YIPF1: variants seen among roughly 807,000 people sequenced by gnomAD.
The protein encoded by YIPF1 is Yip1 domain family member 1.
In YIPF1, 22 loss-of-function variants were observed where a neutral mutation model predicts 37.0. The ratio of observed to expected loss-of-function variants is 0.59; its 90% CI spans 0.42 to 0.85. The LOEUF (loss-of-function observed/expected upper bound fraction) is 0.85, where lower values mean the gene tolerates loss of function less well. Among genes scored for constraint, YIPF1 ranks in the 40% least tolerant of loss-of-function variants. The probability of loss-of-function intolerance (pLI) is 0.00; values close to 1 mark genes in which losing one functional copy is unlikely to be tolerated. For missense variants in YIPF1, 355 were observed against 373.1 expected, an observed-to-expected ratio of 0.95 and a Z score of 0.40; for synonymous variants, 128 against 131.9, an observed-to-expected ratio of 0.97 and a Z score of 0.21.
Position 53,866,802 on chromosome 1 carries a change from CAATCTCCAGAAATG to C in YIPF1, c.590_603del (p.Ser197CysfsTer51). On this transcript the variant is annotated frameshift_variant, in exon 8 of 11. Coordinates refer to ENST00000072644, the MANE Select transcript of YIPF1 (RefSeq NM_018982.5). LOFTEE classifies it high-confidence loss of function. ...AAGAGGGAATATCCATAGACACACA[CAATCTCCAGAAATG>C]AATAGGAGACGATGTTCATAACTTT... The C allele has an allele frequency of 1.2e-6, 2 of 1,614,150 alleles. No individual in the cohort carries two copies. Among genetic ancestry groups the C allele is most frequent in the Non-Finnish European group, 1.7e-6 (2 of 1,180,018 alleles).
chr1:53,874,247 G>C (rs530703000), intron 6 of YIPF1, among the ~76,000 whole-genome samples: 3 of 152,046 alleles, frequency 2.0e-5, no homozygotes, highest in South Asian at 2.1e-4. Flanking sequence ...AGAGACTTAC[G>C]ACACCCACTC....
intron 7 of YIPF1, among the ~76,000 whole-genome samples, chr1:53,870,971 C>G (rs1023343516): frequency 5.6e-5 from 8 of 142,172 alleles, no homozygotes; most frequent in Non-Finnish European, 1.2e-4. Context: ...TGTGATCGTA[C>G]CACTGCACTC....
At chr1:53,876,785 G>A (rs144652692) in intron 6 of YIPF1, among the ~76,000 whole-genome samples, 30 of 152,266 alleles carry the variant, frequency 2.0e-4, no homozygotes, top group Non-Finnish European at 1.3e-4. Context: ...GATTAAATGA[G>A]TTAATACAGG....
In YIPF1 at chr1:53,883,140, C is replaced by T. The variant is rs1650546720; in HGVS notation, c.168G>A (p.Leu56=). 1.9e-6 allele frequency: 3 copies of T among 1,588,726 alleles called. No individual in the cohort carries two copies. The highest frequency in any genetic ancestry group is 2.6e-6 in the Non-Finnish European group (3 of 1,170,942). ...GSGREEDDEL[L]GNDDSDKTEL... is the part of the protein sequence containing the mutation. The stretch of plus-strand genomic sequence containing the variant: ...CAGTTTTGTCAGAGTCATCATTTCC[C>T]AGTAACTCATCATCTTCTTCTCTTC... The change falls in exon 4 of 11, where the codon CTG becomes CTA. Residue 56 remains leucine (L), a synonymous_variant. Transcript: ENST00000072644.
At chr1:53,883,761 C>T (rs1170441327) in intron 3 of YIPF1, among the ~76,000 whole-genome samples, 4 of 152,248 alleles carry the variant, frequency 2.6e-5, no homozygotes, top group Non-Finnish European at 4.4e-5. Context: ...GGATCAGCTG[C>T]GCACAGTGAC....
chr1:53,856,108 T>C (rs1056015627), intron 10 of YIPF1, among the ~76,000 whole-genome samples: 1 of 152,170 alleles, frequency 6.6e-6, no homozygotes, highest in African/African-American at 2.4e-5. Flanking sequence ...AGCAAAGCAA[T>C]TGATGCTTCT....
intron 6 of YIPF1, among the ~76,000 whole-genome samples, chr1:53,875,192 T>C (rs970744352): frequency 2.0e-5 from 3 of 152,156 alleles, no homozygotes; most frequent in Non-Finnish European, 4.4e-5. Flanking sequence ...CCACACTTAA[T>C]ATCAATGTTC....
chr1:53,857,113 C>T (rs1014733416), intron 10 of YIPF1, among the ~76,000 whole-genome samples: 1 of 152,194 alleles, frequency 6.6e-6, no homozygotes, highest in Non-Finnish European at 1.5e-5. Flanking sequence ...AGAAGGCCCT[C>T]ATTCTACGAA....
intron 10 of YIPF1, among the ~76,000 whole-genome samples, chr1:53,858,085 T>C (rs1371482475): frequency 6.6e-6 from 1 of 152,038 alleles, no homozygotes; most frequent in Non-Finnish European, 1.5e-5. Flanking sequence ...CTGTCCTCTC[T>C]CGGTCTCAGC....
intron 6 of YIPF1, 128 bp downstream of exon 6, chr1:53,878,187 G>C: frequency 2.3e-6 from 2 of 865,570 alleles, no homozygotes; most frequent in Non-Finnish European, 3.7e-6. Context: ...GGTTGCTACT[G>C]AAGTTCAGAA....
intron 3 of YIPF1, among the ~76,000 whole-genome samples, chr1:53,883,780 G>A (rs775339309): frequency 7.9e-5 from 12 of 152,220 alleles, no homozygotes; most frequent in Non-Finnish European, 2.9e-5. Flanking sequence ...ACTCACGCCT[G>A]TAATCCCAGC....
In YIPF1 at chr1:53,860,045, G is replaced by T; in HGVS notation, c.*8+11C>A. On this transcript the variant is annotated intron_variant, in intron 10 of 10. Transcript: ENST00000072644. ...GGCACCACACAGCAAAATAAAAATA[G>T]AATCTCTTACTTTCCTCATTAGCTG... The T allele has an allele frequency of 6.2e-7, 1 of 1,613,100 alleles. No homozygotes were observed. The highest frequency in any genetic ancestry group is 8.5e-7 in the Non-Finnish European group (1 of 1,179,208).
chr1:53,878,127 C>T (rs1212665973), intron 6 of YIPF1, among the ~76,000 whole-genome samples, 188 bp downstream of exon 6: 1 of 152,224 alleles, frequency 6.6e-6, no homozygotes, highest in African/African-American at 2.4e-5. Flanking sequence ...GTAATGATGA[C>T]GTGGCACTAA....
At chr1:53,879,831 G>C (rs1372907917) in intron 4 of YIPF1, among the ~76,000 whole-genome samples, 2 of 152,204 alleles carry the variant, frequency 1.3e-5, no homozygotes, top group African/African-American at 4.8e-5. Flanking sequence ...GAAATACCCA[G>C]GTTCTTGCAT....
chr1:53,859,401 C>A (rs1429471435), intron 10 of YIPF1, among the ~76,000 whole-genome samples: 2 of 152,152 alleles, frequency 1.3e-5, no homozygotes, highest in East Asian at 3.9e-4. Context: ...CGGTGGCTCA[C>A]GCCTGTAATC....
intron 3 of YIPF1, 87 bp downstream of exon 3, chr1:53,888,820 G>A: frequency 6.3e-6 from 8 of 1,270,618 alleles, no homozygotes; most frequent in Non-Finnish European, 8.8e-6. Flanking sequence ...ATCCTTCAAT[G>A]TGTGAGGCAG....
intron 10 of YIPF1, among the ~76,000 whole-genome samples, chr1:53,854,455 T>A (rs1166995953): frequency 1.3e-5 from 2 of 152,170 alleles, no homozygotes; most frequent in Non-Finnish European, 2.9e-5. Context: ...CCTCTTGGCC[T>A]ATGACCTGAC....
intron 9 of YIPF1, among the ~76,000 whole-genome samples, chr1:53,861,147 A>G (rs1278292682): frequency 6.6e-6 from 1 of 152,180 alleles, no homozygotes; most frequent in African/African-American, 2.4e-5. Context: ...AAGTTTCCAG[A>G]TGATGTCTTT....
intron 10 of YIPF1, 50 bp from the exon 11 acceptor site, chr1:53,852,320 A>C (rs1431156097): frequency 6.6e-6 from 1 of 151,634 alleles, no homozygotes; most frequent in Non-Finnish European, 1.5e-5. Context: ...CCCCACCCCG[A>C]CAGGAAAGAG....
Sources: gnomAD v4.1 joint callset for allele counts (sites outside exome capture counted in the v4.1 genomes callset) on GRCh38, gnomAD v4.1.1 for gene constraint, MANE v1.5 for transcripts, NCBI Gene and HGNC (gene_info 2026-07-23, HGNC 2026-07-21) for gene names.